The following PAK1 variants were observed in gnomAD, a reference collection of about 807,000 sequenced individuals.
PAK1 encodes the protein p21 (RAC1) activated kinase 1, also known as serine/threonine-protein kinase PAK 1.
PAK1 carries 29 observed loss-of-function variants against 67.4 expected under a neutral mutation model. The ratio of observed to expected loss-of-function variants is 0.43; its 90% confidence interval spans 0.32 to 0.59. PAK1 has a LOEUF of 0.59. PAK1 is among the 20% of genes least tolerant of loss of function. The pLI is 0.07. For synonymous variants in PAK1, 223 were observed against 237.4 expected (o/e 0.94, Z 0.56); for missense variants, 337 against 670.7 (o/e 0.50, Z 5.50).
At chr11:77,527,257 C>G in the PAK1 span, among the ~76,000 whole-genome samples, 1 of 151,942 alleles carries the variant, frequency 6.6e-6, no homozygotes. Flanking sequence ...TGTGCACCAT[C>G]ACACTGGGCT....
the PAK1 span, among the ~76,000 whole-genome samples, chr11:77,526,160 A>G: frequency 6.6e-6 from 1 of 152,240 alleles, no homozygotes; most frequent in Non-Finnish European, 1.5e-5. Flanking sequence ...ATGGAGCTTG[A>G]CTATTTTCCA....
chr11:77,464,451 C>A (rs113540895), intron 1 of PAK1, among the ~76,000 whole-genome samples: 47 of 152,202 alleles, frequency 3.1e-4, no homozygotes, highest in East Asian at 2.5e-3. Context: ...TCTGTATTAC[C>A]CTCTGGAATG....
the PAK1 span, among the ~76,000 whole-genome samples, chr11:77,513,443 C>T: frequency 6.6e-6 from 1 of 151,882 alleles, no homozygotes; most frequent in Non-Finnish European, 1.5e-5. Flanking sequence ...CTGAGGCAGG[C>T]GGATCAACTT....
the PAK1 span, among the ~76,000 whole-genome samples, chr11:77,523,791 TA>T: frequency 6.6e-6 from 1 of 152,184 alleles, no homozygotes; most frequent in Non-Finnish European, 1.5e-5. Context: ...AATGAGAATT[TA>T]AAAAATATAA....
rs1326439583 is a variant in PAK1, at chr11:77,337,395, G to A, written c.1145C>T (p.Ser382Leu). ...ECLQALEFLH[S>L]NQVIHRDIKS... ...GATGTCTCTGTGAATGACCTGGTTCGAATGCAAGAACTCCAGAGCCTGCAG... is the reference window on the plus strand; with the variant it reads ...GATGTCTCTGTGAATGACCTGGTTCAAATGCAAGAACTCCAGAGCCTGCAG... The change falls in exon 12 of 15, where the codon TCG becomes TTG. Residue 382 changes from serine to leucine, a missense_variant. By Grantham distance (145) the Ser-to-Leu change is moderately radical. Coordinates refer to ENST00000356341, the MANE Select transcript of PAK1 (RefSeq NM_002576.5). The A allele has an allele frequency of 3.7e-6, 6 of 1,610,032 alleles. No homozygotes were observed. Among genetic ancestry groups the A allele is most frequent in the East Asian group, 2.2e-5 (1 of 44,860 alleles).
chr11:77,461,719 A>C (rs935589512), intron 1 of PAK1, among the ~76,000 whole-genome samples: 1 of 152,234 alleles, frequency 6.6e-6, no homozygotes, highest in Non-Finnish European at 1.5e-5. Flanking sequence ...CATCATAACT[A>C]AATTTTAAAT....
chr11:77,469,497 A>G (rs1290461368), intron 1 of PAK1, among the ~76,000 whole-genome samples: 1 of 152,194 alleles, frequency 6.6e-6, no homozygotes, highest in Non-Finnish European at 1.5e-5. Flanking sequence ...ATGATCCTGT[A>G]AACTAGTCGT....
intron 1 of PAK1, among the ~76,000 whole-genome samples, chr11:77,424,036 T>C (rs1324404667): frequency 1.3e-5 from 2 of 152,342 alleles, no homozygotes; most frequent in East Asian, 3.9e-4. Flanking sequence ...GGCTTAAGGC[T>C]AAACTTCCAG....
intron 1 of PAK1, among the ~76,000 whole-genome samples, chr11:77,435,657 CTTTTTTTT>C (rs35603502): frequency 5.8e-5 from 4 of 68,594 alleles, no homozygotes; most frequent in East Asian, 9.2e-4. Context: ...CTACACCTGG[CTTTTTTTT>C]TTTTTTTTTT....
At chr11:77,386,042 T>C (rs966698845) in intron 2 of PAK1, among the ~76,000 whole-genome samples, 2 of 152,154 alleles carry the variant, frequency 1.3e-5, no homozygotes, top group African/African-American at 2.4e-5. Flanking sequence ...TCTAGAGATC[T>C]TGGGATTGAG....
the PAK1 span, among the ~76,000 whole-genome samples, chr11:77,492,243 G>A: frequency 6.6e-6 from 1 of 151,972 alleles, no homozygotes. Context: ...GCTGAGGCAG[G>A]AGAATCGCCT....
At chr11:77,333,627 T>C (rs1297516708) in intron 13 of PAK1, among the ~76,000 whole-genome samples, 2 of 152,206 alleles carry the variant, frequency 1.3e-5, no homozygotes. Flanking sequence ...AACTGATCTC[T>C]TCTAGCAGGA....
chr11:77,355,935 A>G, intron 6 of PAK1, 93 bp from the exon 7 acceptor site: 1 of 718,928 alleles, frequency 1.4e-6, no homozygotes, highest in Non-Finnish European at 2.4e-6. Context: ...CACAGAGCAA[A>G]CCCCAATAAA....
chr11:77,505,920 C>G, the PAK1 span, among the ~76,000 whole-genome samples: 4 of 152,054 alleles, frequency 2.6e-5, no homozygotes, highest in Non-Finnish European at 4.4e-5. Flanking sequence ...CCAGGTCCGG[C>G]GCCAGGGACT....
chr11:77,527,364 A>G, the PAK1 span, among the ~76,000 whole-genome samples: 1 of 152,208 alleles, frequency 6.6e-6, no homozygotes, highest in East Asian at 1.9e-4. Context: ...CAGCCTCTCA[A>G]AGTGTTGGGA....
chr11:77,414,198 C>G (rs974600419), intron 1 of PAK1, among the ~76,000 whole-genome samples: 5 of 152,176 alleles, frequency 3.3e-5, no homozygotes, highest in Admixed American at 6.5e-5. Context: ...TTTCTCTTCT[C>G]CAAGATAAAT....
the PAK1 span, among the ~76,000 whole-genome samples, chr11:77,486,771 G>C: frequency 6.6e-6 from 1 of 152,210 alleles, no homozygotes. Flanking sequence ...ATCTGGGTGG[G>C]GAATTGTCTA....
chr11:77,379,924 G>A lies in PAK1; in HGVS notation c.261C>T (p.Val87=), dbSNP rs141395962. ...LPSDFEHTIH[V]GFDAVTGEFT... Reference sequence around the variant, plus strand: ...ACTCCCCTGTGACAGCATCAAAACCGACATGAATTGTGTGTTCAAAATCTG... The same window carrying A: ...ACTCCCCTGTGACAGCATCAAAACCAACATGAATTGTGTGTTCAAAATCTG... The change falls in exon 3 of 15, where the codon GTC becomes GTT. Residue 87 remains valine, a synonymous_variant. Coordinates refer to ENST00000356341, the MANE Select transcript of PAK1 (RefSeq NM_002576.5). The A allele has an allele frequency of 2.0e-5, 33 of 1,613,726 alleles. No homozygotes were observed. The African/African-American group carries it at 2.8e-4, about 14-fold the overall frequency.
chr11:77,375,976 T>G (rs529859687), intron 4 of PAK1, among the ~76,000 whole-genome samples: 2 of 152,316 alleles, frequency 1.3e-5, no homozygotes, highest in Non-Finnish European at 2.9e-5. Context: ...GACAACTTGT[T>G]CTTATAACAA....
Sources: allele counts gnomAD v4.1 joint callset (sites outside exome capture counted in the v4.1 genomes callset), GRCh38; gene constraint gnomAD v4.1.1; transcripts MANE v1.5; gene names NCBI Gene and HGNC (gene_info 2026-07-23, HGNC 2026-07-21).